Variants in BICD1 observed in about 807,000 individuals in gnomAD.
BICD1 encodes the protein BICD cargo adaptor 1, also known as protein bicaudal D homolog 1.
Under a neutral mutation model 92.5 loss-of-function variants are expected in BICD1, and 35 were observed. That is an observed-to-expected ratio of 0.38 (90% CI 0.29 to 0.50). The LOEUF is 0.50. Among genes scored for constraint, BICD1 ranks in the 20% least tolerant of loss-of-function variants. The probability of loss-of-function intolerance (pLI) is 0.93; values close to 1 mark genes in which losing one functional copy is unlikely to be tolerated. For missense variants in BICD1, 950 were observed against 1,189.8 expected (o/e 0.80, Z 2.97); for synonymous variants, 429 against 465.1 (o/e 0.92, Z 1.00).
intron 1 of BICD1, among the ~76,000 whole-genome samples, chr12:32,169,123 G>A (rs528577646): frequency 1.3e-5 from 2 of 152,214 alleles, no homozygotes; most frequent in African/African-American, 4.8e-5. Context: ...ACTCTGTGGA[G>A]TTTAAGGATC....
intron 1 of BICD1, among the ~76,000 whole-genome samples, chr12:32,134,578 C>T (rs551133767): frequency 6.6e-6 from 1 of 152,170 alleles, no homozygotes; most frequent in African/African-American, 2.4e-5. Context: ...CATCATGATG[C>T]TTAAGCAGAG....
At chr12:32,357,158 C>T (rs753902960) in intron 8 of BICD1, among the ~76,000 whole-genome samples, 12 of 151,948 alleles carry the variant, frequency 7.9e-5, no homozygotes, top group Middle Eastern at 3.4e-3. Flanking sequence ...ATTACAGGCG[C>T]ACGCCACCAC....
chr12:32,358,714 C>A (rs1455640093), intron 8 of BICD1, among the ~76,000 whole-genome samples: 6 of 151,582 alleles, frequency 4.0e-5, no homozygotes, highest in Non-Finnish European at 8.8e-5. Flanking sequence ...TCCAGCCTGG[C>A]GACAGAGTGA....
chr12:32,246,029 C>CAAAAAAAAAAA (rs71068311), intron 2 of BICD1, among the ~76,000 whole-genome samples: 4 of 44,094 alleles, frequency 9.1e-5, no homozygotes, highest in Non-Finnish European at 1.1e-4. Context: ...TACTCTGTCT[C>CAAAAAAAAAAA]AAAAAAAAAA....
At chr12:32,204,097 C>G (rs1293115800) in intron 1 of BICD1, among the ~76,000 whole-genome samples, 1 of 152,058 alleles carries the variant, frequency 6.6e-6, no homozygotes, top group African/African-American at 2.4e-5. Flanking sequence ...ACCTGTAATC[C>G]CAACATTTTG....
intron 8 of BICD1, among the ~76,000 whole-genome samples, chr12:32,365,575 T>A (rs1270531562): frequency 6.6e-6 from 1 of 152,194 alleles, no homozygotes; most frequent in Non-Finnish European, 1.5e-5. Flanking sequence ...TCATTATACC[T>A]CCCTGGCAAT....
chr12:32,119,250 C>T (rs1037205462), intron 1 of BICD1, among the ~76,000 whole-genome samples: 1 of 152,134 alleles, frequency 6.6e-6, no homozygotes, highest in African/African-American at 2.4e-5. Flanking sequence ...AGTGTATTGC[C>T]TACTGGATTT....
intron 9 of BICD1, among the ~76,000 whole-genome samples, chr12:32,375,478 C>T (rs575847543): frequency 6.6e-6 from 1 of 152,162 alleles, no homozygotes; most frequent in African/African-American, 2.4e-5. Context: ...TGCAGTGAGC[C>T]GAGATCGTGC....
At chr12:32,363,530 G>GT (rs1939412892) in intron 8 of BICD1, among the ~76,000 whole-genome samples, 1 of 151,894 alleles carries the variant, frequency 6.6e-6, no homozygotes, top group Non-Finnish European at 1.5e-5. Flanking sequence ...TCTTATTACT[G>GT]TTACTAAAGA....
intron 1 of BICD1, among the ~76,000 whole-genome samples, chr12:32,126,366 G>T (rs1942338894): frequency 6.6e-6 from 1 of 151,948 alleles, no homozygotes; most frequent in African/African-American, 2.4e-5. Flanking sequence ...ATTAGAATGA[G>T]AGTGAACGCA....
Position 32,328,108 on chromosome 12 carries a change from G to T in BICD1, c.1653G>T (p.Gly551=), listed in dbSNP as rs745347123. The T allele has an allele frequency of 1.9e-6, 3 of 1,614,138 alleles. No homozygotes were observed. The Admixed American group carries it at 5.0e-5, about 27-fold the overall frequency. The change falls in exon 5 of 10, where the codon GGG becomes GGT. Residue 551 remains glycine, a synonymous_variant. Coordinates refer to ENST00000652176, the MANE Select transcript of BICD1 (RefSeq NM_001714.4). This position sits in a 1 kb window ranked among gnomAD's most constrained non-coding sequence, Gnocchi z 4.4. ...TCACCCGCAGTGGCAGCCTGAAAGGGCCCGATGATCCCAGAGGACTTTTGT... is the reference window on the plus strand; with the variant it reads ...TCACCCGCAGTGGCAGCCTGAAAGGTCCCGATGATCCCAGAGGACTTTTGT... ...SRVTRSGSLK[G]PDDPRGLLSP...
In BICD1 at chr12:32,225,621, G is replaced by GTT. The variant is rs58895470; in HGVS notation, c.426+9181_426+9182dup. Reference sequence around the variant, plus strand: ...TGGTATTTGACAGTTCTTTTTTTCTGTTTTTTTTTTTTTTTTTTTTAGACG... The same window carrying GTT: ...TGGTATTTGACAGTTCTTTTTTTCTGTTTTTTTTTTTTTTTTTTTTTTAGACG... On this transcript the variant is annotated intron_variant, in intron 2 of 9. Transcript: ENST00000652176. 7.6e-3 allele frequency among the ~76,000 whole-genome samples: 703 copies of GTT among 92,764 alleles called. 36 individuals carry two copies. The highest frequency in any genetic ancestry group is 0.03 in the East Asian group (64 of 2,162). 60.9% of individuals were successfully genotyped at this position (92,764 alleles called of 152,430 possible).
At chr12:32,368,757 TTAGA>T (rs1221440138) in intron 9 of BICD1, among the ~76,000 whole-genome samples, 1 of 151,472 alleles carries the variant, frequency 6.6e-6, no homozygotes, top group East Asian at 1.9e-4. Context: ...ATATAAAGAA[TTAGA>T]TATAAAGGCT....
At chr12:32,327,320 C>T in intron 4 of BICD1, 141 bp from the exon 5 acceptor site, 1 of 1,039,810 alleles carries the variant, frequency 9.6e-7, no homozygotes, top group East Asian at 2.5e-5. Context: ...AAATAAAAAA[C>T]ACTCCAATTT....
chr12:32,221,220 G>A (rs1945509613), intron 2 of BICD1, among the ~76,000 whole-genome samples: 1 of 151,180 alleles, frequency 6.6e-6, no homozygotes, highest in Non-Finnish European at 1.5e-5. Context: ...TTGTGCACAT[G>A]TGCCCTAAAA....
chr12:32,215,520 A>T (rs1175872291), intron 1 of BICD1, among the ~76,000 whole-genome samples: 1 of 152,180 alleles, frequency 6.6e-6, no homozygotes, highest in African/African-American at 2.4e-5. Flanking sequence ...CTTAATGCCA[A>T]TGTATTAGAA....
At chr12:32,230,072 G>C (rs569695607) in intron 2 of BICD1, among the ~76,000 whole-genome samples, 131 of 152,288 alleles carry the variant, frequency 8.6e-4, no homozygotes, top group African/African-American at 2.6e-3. Context: ...GTCCTCTTCA[G>C]TCTGCTTCCA....
rs986763488 is a variant in BICD1 at position 32,328,665 on chromosome 12, G to T, written c.2100+110G>T. On this transcript the variant is annotated intron_variant, in intron 5 of 9. Transcript: ENST00000652176. This position sits in a 1 kb window ranked among gnomAD's most constrained non-coding sequence, Gnocchi z 4.4. ...GTCAAGATGAGAGTTCAGATTCTTG[G>T]TAAGTGGATAAATAAAACTGTCCCA... 2.1e-6 allele frequency: 3 copies of T among 1,406,834 alleles called. No homozygotes were observed. The highest frequency in any genetic ancestry group is 2.9e-5 in the African/African-American group (2 of 69,498). The allele number at this position is 1,406,834 out of a possible 1,614,324, so 87.1% of individuals were successfully genotyped here.
chr12:32,192,183 G>A (rs897165785), intron 1 of BICD1, among the ~76,000 whole-genome samples: 5 of 152,104 alleles, frequency 3.3e-5, no homozygotes, highest in African/African-American at 9.7e-5. Context: ...TGTAATCCCA[G>A]CACTTTGGGA....
Sources: gnomAD v4.1 joint callset for allele counts (sites outside exome capture counted in the v4.1 genomes callset) on GRCh38, gnomAD v4.1.1 for gene constraint, Gnocchi (gnomAD v3.1) non-coding constraint, MANE v1.5 for transcripts, NCBI Gene and HGNC (gene_info 2026-07-23, HGNC 2026-07-21) for gene names.